NLGN4Y: variants seen among roughly 807,000 people sequenced by gnomAD.
NLGN4Y encodes the protein neuroligin 4 Y-linked.
In NLGN4Y, 4 loss-of-function variants were observed where a neutral mutation model predicts 8.4. That is an observed-to-expected ratio of 0.48 (90% CI 0.23 to 1.09). NLGN4Y has a LOEUF of 1.09. NLGN4Y is among the 50% of genes least tolerant of loss of function. The probability of loss-of-function intolerance (pLI) is 0.19; values close to 1 mark genes in which losing one functional copy is unlikely to be tolerated. For missense variants in NLGN4Y, 90 were observed against 192.3 expected (o/e 0.47, Z 3.15); for synonymous variants, 35 against 75.6 (o/e 0.46, Z 2.78).
Position 14,526,074 on chromosome Y carries a change from T to C in NLGN4Y, c.-112+1366T>C, listed in dbSNP as rs760631921. 7.7e-4 allele frequency among the ~76,000 whole-genome samples: 26 copies of C among 33,711 alleles called. No homozygotes were observed. The East Asian group carries it at 0.02, about 26-fold the overall frequency. The allele number at this position is 33,711 out of a possible 37,273, so 90.4% of individuals were successfully genotyped here. On this transcript the variant is annotated intron_variant, in intron 1 of 6. Coordinates refer to ENST00000684976, the MANE Select transcript of NLGN4Y (RefSeq NM_001365588.1). Reference sequence around the variant, plus strand: ...TTGATGAAAACAAAGTGGCAGAAACTACAAGAGACCTGATTGCTTTCAATG... The same window carrying C: ...TTGATGAAAACAAAGTGGCAGAAACCACAAGAGACCTGATTGCTTTCAATG...
At chrY:14,552,327 C>T in intron 1 of NLGN4Y, among the ~76,000 whole-genome samples, 1 of 33,616 alleles carries the variant, frequency 3.0e-5, no homozygotes, top group Non-Finnish European at 7.4e-5. Context: ...GAAGGATTCA[C>T]AGCTGAATTC....
intron 4 of NLGN4Y, among the ~76,000 whole-genome samples, chrY:14,775,873 G>C: frequency 3.1e-5 from 1 of 32,689 alleles, no homozygotes; most frequent in Non-Finnish European, 7.4e-5. Flanking sequence ...CAAACCCTCA[G>C]TTCCTGTAAT....
At chrY:14,718,010 A>G in intron 2 of NLGN4Y, among the ~76,000 whole-genome samples, 2 of 33,967 alleles carry the variant, frequency 5.9e-5, no homozygotes, top group Non-Finnish European at 1.5e-4. Flanking sequence ...GTATTGATGC[A>G]TGGTACAATA....
intron 1 of NLGN4Y, among the ~76,000 whole-genome samples, chrY:14,542,812 G>T: frequency 3.0e-5 from 1 of 33,066 alleles, no homozygotes; most frequent in Non-Finnish European, 7.4e-5. Flanking sequence ...TAAAAAGGAT[G>T]AGTTCATGTC....
intron 2 of NLGN4Y, among the ~76,000 whole-genome samples, chrY:14,691,687 G>C: frequency 3.0e-5 from 1 of 33,085 alleles, no homozygotes; most frequent in Non-Finnish European, 7.5e-5. Flanking sequence ...TTACTGAGAG[G>C]ATTTTTTTTC....
At chrY:14,623,835 TA>T (rs2080519205) in intron 2 of NLGN4Y, among the ~76,000 whole-genome samples, 1 of 32,759 alleles carries the variant, frequency 3.1e-5, no homozygotes, top group East Asian at 8.0e-4. Flanking sequence ...CAGTTCAGAG[TA>T]AAAAAGTAAA....
intron 1 of NLGN4Y, among the ~76,000 whole-genome samples, chrY:14,619,521 G>C (rs2080500900): frequency 3.0e-5 from 1 of 33,784 alleles, no homozygotes; most frequent in Non-Finnish European, 7.3e-5. Flanking sequence ...GGACTGTAGC[G>C]AACATGTCAG....
intron 4 of NLGN4Y, among the ~76,000 whole-genome samples, chrY:14,796,450 C>T (rs2043010036): frequency 3.2e-5 from 1 of 30,781 alleles, no homozygotes; most frequent in Non-Finnish European, 7.8e-5. Flanking sequence ...AAAAATTAGC[C>T]GGGTGAGGTG....
intron 2 of NLGN4Y, among the ~76,000 whole-genome samples, chrY:14,642,150 T>A (rs532631402): frequency 3.0e-5 from 1 of 33,634 alleles, no homozygotes; most frequent in African/African-American, 1.2e-4. Flanking sequence ...CACAGGACAT[T>A]GAACTCTGCA....
At chrY:14,801,925 A>G (rs2043034610) in intron 4 of NLGN4Y, among the ~76,000 whole-genome samples, 1 of 33,325 alleles carries the variant, frequency 3.0e-5, no homozygotes, top group Non-Finnish European at 7.4e-5. Flanking sequence ...TGTTCCCCCA[A>G]TTGTGAATAT....
At chrY:14,648,969 C>T in intron 2 of NLGN4Y, among the ~76,000 whole-genome samples, 1 of 28,640 alleles carries the variant, frequency 3.5e-5, no homozygotes, top group Admixed American at 3.3e-4. Flanking sequence ...CACATCACTG[C>T]ACTCTGGACT....
chrY:14,740,996 C>T (rs2081004741), intron 4 of NLGN4Y, among the ~76,000 whole-genome samples: 1 of 32,749 alleles, frequency 3.1e-5, no homozygotes, highest in Non-Finnish European at 7.5e-5. Flanking sequence ...CTCTGCCTCC[C>T]AGTCTCACAC....
chrY:14,673,388 C>T, intron 2 of NLGN4Y, among the ~76,000 whole-genome samples: 4 of 33,666 alleles, frequency 1.2e-4, no homozygotes, highest in Admixed American at 1.1e-3. Flanking sequence ...AGACACTTCT[C>T]CAAAGAAGAT....
intron 1 of NLGN4Y, among the ~76,000 whole-genome samples, chrY:14,562,490 C>T (rs2080233160): frequency 3.0e-5 from 1 of 33,382 alleles, no homozygotes; most frequent in Non-Finnish European, 7.4e-5. Flanking sequence ...AGCATGATGC[C>T]TCTATCTTTG....
chrY:14,705,421 C>A, intron 2 of NLGN4Y, among the ~76,000 whole-genome samples: 1 of 33,328 alleles, frequency 3.0e-5, no homozygotes, highest in Non-Finnish European at 7.4e-5. Flanking sequence ...CCTAAGAAGA[C>A]AAGATGACTA....
intron 4 of NLGN4Y, among the ~76,000 whole-genome samples, chrY:14,754,639 T>A: frequency 3.0e-5 from 1 of 33,555 alleles, no homozygotes; most frequent in Non-Finnish European, 7.4e-5. Context: ...CTTCTTGAAA[T>A]GCTGATTTTA....
At chrY:14,591,042 A>T in intron 1 of NLGN4Y, among the ~76,000 whole-genome samples, 6 of 33,149 alleles carry the variant, frequency 1.8e-4, no homozygotes, top group Non-Finnish European at 3.0e-4. Flanking sequence ...CATTCCTAAC[A>T]CTATAAGTAG....
At chrY:14,582,731 A>G in intron 1 of NLGN4Y, among the ~76,000 whole-genome samples, 1 of 34,307 alleles carries the variant, frequency 2.9e-5, no homozygotes, top group Non-Finnish European at 7.3e-5. Flanking sequence ...TGTGGTTAAT[A>G]CATATTGAAA....
chrY:14,697,492 T>A (rs2080833660), intron 2 of NLGN4Y, among the ~76,000 whole-genome samples: 2 of 19,236 alleles, frequency 1.0e-4, no homozygotes, highest in Non-Finnish European at 2.3e-4. Context: ...AGCAGATAGG[T>A]GATAGATAGA....
Sources: allele counts gnomAD v4.1 joint callset (sites outside exome capture counted in the v4.1 genomes callset), GRCh38; gene constraint gnomAD v4.1.1; transcripts MANE v1.5; gene names NCBI Gene and HGNC (gene_info 2026-07-23, HGNC 2026-07-21).